Variants in SAMD5 observed in about 807,000 individuals in gnomAD.
The protein encoded by SAMD5 is sterile alpha motif domain containing 5.
SAMD5 carries 13 observed loss-of-function variants against 11.3 expected under a neutral mutation model. The ratio of observed to expected loss-of-function variants is 1.15; its 90% CI spans 0.75 to 1.83. The LOEUF is 1.83. Among genes scored for constraint, SAMD5 ranks in the 40% most tolerant of loss-of-function variants. The pLI, the probability that SAMD5 is intolerant of heterozygous loss-of-function variation, is 0.00. For synonymous variants in SAMD5, 129 were observed against 111.3 expected, an observed-to-expected ratio of 1.16 and a Z score of -1.00; for missense variants, 255 against 239.1, an observed-to-expected ratio of 1.07 and a Z score of -0.44.
intron 1 of SAMD5, among the ~76,000 whole-genome samples, chr6:147,556,056 T>C (rs570048893): frequency 7.9e-5 from 12 of 152,352 alleles, no homozygotes; most frequent in African/African-American, 2.9e-4. Flanking sequence ...TTCACAAAAA[T>C]ATTTGTGTTA....
At chr6:147,950,194 G>A in the SAMD5 span, among the ~76,000 whole-genome samples, 1 of 152,154 alleles carries the variant, frequency 6.6e-6, no homozygotes, top group Non-Finnish European at 1.5e-5. Context: ...TGATCATTTT[G>A]CATTCTTACC....
chr6:147,821,639 G>C, the SAMD5 span, among the ~76,000 whole-genome samples: 2 of 152,220 alleles, frequency 1.3e-5, no homozygotes, highest in Non-Finnish European at 2.9e-5. Context: ...GCTCTGGTGT[G>C]TTCTACAGCA....
chr6:147,589,088 G>T (rs1242456871), intron 1 of SAMD5, among the ~76,000 whole-genome samples: 1 of 151,968 alleles, frequency 6.6e-6, no homozygotes, highest in African/African-American at 2.4e-5. Flanking sequence ...CTCCCCAGTA[G>T]CTGGGACTAC....
chr6:147,511,994 T>G (rs997968800), intron 1 of SAMD5, among the ~76,000 whole-genome samples: 2 of 152,198 alleles, frequency 1.3e-5, no homozygotes, highest in Non-Finnish European at 2.9e-5. Flanking sequence ...CTCATTCTGT[T>G]GCCCAGGCTG....
chr6:147,586,077 G>A (rs1205857504), intron 1 of SAMD5, among the ~76,000 whole-genome samples: 2 of 152,080 alleles, frequency 1.3e-5, no homozygotes, highest in African/African-American at 4.8e-5. Context: ...GGCCATTGTA[G>A]GGCGCCATGA....
At chr6:147,910,260 C>A in the SAMD5 span, among the ~76,000 whole-genome samples, 1 of 152,062 alleles carries the variant, frequency 6.6e-6, no homozygotes, top group Non-Finnish European at 1.5e-5. Context: ...TGCCTACCCA[C>A]CCCCAGGCCA....
the SAMD5 span, among the ~76,000 whole-genome samples, chr6:147,774,911 T>C: frequency 6.6e-6 from 1 of 152,098 alleles, no homozygotes. Context: ...AAAAATAACA[T>C]GCAAAGGCAT....
chr6:147,867,146 C>T, the SAMD5 span, among the ~76,000 whole-genome samples: 2 of 152,128 alleles, frequency 1.3e-5, no homozygotes, highest in African/African-American at 4.8e-5. Context: ...GGTAAAAACA[C>T]TTTGCCAAAT....
chr6:147,626,215 C>A (rs539650685), intron 1 of SAMD5, among the ~76,000 whole-genome samples: 49 of 152,152 alleles, frequency 3.2e-4, no homozygotes, highest in South Asian at 6.2e-4. Flanking sequence ...CATTCCTGAA[C>A]CAGTGCCAGC....
At chr6:147,547,915 C>A (rs1280124539) in intron 1 of SAMD5, among the ~76,000 whole-genome samples, 1 of 152,158 alleles carries the variant, frequency 6.6e-6, no homozygotes, top group Admixed American at 6.5e-5. Context: ...GAATTAGATA[C>A]TGATAGGGGA....
At chr6:147,791,025 T>G in the SAMD5 span, among the ~76,000 whole-genome samples, 1 of 152,074 alleles carries the variant, frequency 6.6e-6, no homozygotes. Flanking sequence ...CCGGGTGTGG[T>G]GGCTCACGCC....
In SAMD5 at chr6:147,567,301, T is replaced by G. The variant is rs2128444908; in HGVS notation, c.*2845T>G. 1.0e-6 allele frequency: 1 copy of G among 985,332 alleles called. No homozygotes were observed. The highest frequency in any genetic ancestry group is 1.7e-5 in the African/African-American group (1 of 57,360). The allele number at this position is 985,332 out of a possible 1,614,324, so 61.0% of individuals were successfully genotyped here. On this transcript the variant is annotated 3_prime_UTR_variant, in exon 2 of 2. Coordinates refer to ENST00000367474, the MANE Select transcript of SAMD5 (RefSeq NM_001030060.3). ...TTCTCAACTGGGAGCATACGAGCAA[T>G]TTCTCAGTTCAGAGATATTTATAGC...
the SAMD5 span, among the ~76,000 whole-genome samples, chr6:147,934,711 A>G: frequency 6.6e-6 from 1 of 152,102 alleles, no homozygotes; most frequent in Non-Finnish European, 1.5e-5. Flanking sequence ...TTCTGCCTAT[A>G]CTAAGGTCCA....
rs1562352656 is a variant in SAMD5, at chr6:147,690,984, T to TTTG, written c.163-46333_163-46332insTTG. ...GCTCTCGGGTTTTTTTTTTTTTTTT[T>TTTG]GGTGGGGATCGGGGGTGTGGGGGTG... On this transcript the variant is annotated intron_variant, in intron 1 of 1. Transcript: ENST00000566741. 4.0e-5 allele frequency among the ~76,000 whole-genome samples: 3 copies of TTTG among 74,468 alleles called. No individual in the cohort carries two copies. In the Admixed American group the frequency reaches 4.9e-4, roughly 12 times the overall value. The allele number at this position is 74,468 out of a possible 152,430, so 48.9% of individuals were successfully genotyped here.
At chr6:147,644,720 A>G (rs1308858674) in intron 1 of SAMD5, among the ~76,000 whole-genome samples, 1 of 152,170 alleles carries the variant, frequency 6.6e-6, no homozygotes, top group Non-Finnish European at 1.5e-5. Context: ...CTTTTCCTTC[A>G]ATTGGATTAT....
intron 1 of SAMD5, among the ~76,000 whole-genome samples, chr6:147,694,150 C>T (rs1373301033): frequency 2.0e-5 from 3 of 152,186 alleles, no homozygotes; most frequent in Non-Finnish European, 4.4e-5. Context: ...AATTAAAGTT[C>T]TTTGTTCACT....
intron 1 of SAMD5, among the ~76,000 whole-genome samples, chr6:147,712,557 C>T (rs1791414434): frequency 6.6e-6 from 1 of 152,138 alleles, no homozygotes; most frequent in South Asian, 2.1e-4. Flanking sequence ...CCTCAATGTT[C>T]TTGTATTTGG....
At chr6:147,797,874 T>A in the SAMD5 span, among the ~76,000 whole-genome samples, 3 of 151,468 alleles carry the variant, frequency 2.0e-5, no homozygotes, top group East Asian at 5.9e-4. Flanking sequence ...TGTAGTATTC[T>A]CTGATGGTAG....
the SAMD5 span, among the ~76,000 whole-genome samples, chr6:147,844,953 T>G: frequency 6.6e-6 from 1 of 152,094 alleles, no homozygotes; most frequent in African/African-American, 2.4e-5. Context: ...AATAATAATG[T>G]GTTGTATATT....
Sources: gnomAD v4.1 joint callset for allele counts (sites outside exome capture counted in the v4.1 genomes callset) on GRCh38, gnomAD v4.1.1 for gene constraint, MANE v1.5 for transcripts, NCBI Gene and HGNC (gene_info 2026-07-23, HGNC 2026-07-21) for gene names.